Variants in IL34 observed in about 807,000 individuals in gnomAD.
IL34 encodes interleukin-34.
IL34 carries 17 observed loss-of-function variants against 25.3 expected under a neutral mutation model. The ratio of observed to expected loss-of-function variants is 0.67; its 90% CI spans 0.46 to 1.01. IL34 has a LOEUF of 1.01. Ranked by LOEUF, IL34 falls within the 50% of genes least tolerant of loss-of-function variation. IL34 has a pLI of 0.00. For synonymous variants in IL34, 174 were observed against 140.9 expected (o/e 1.23, Z -1.66); for missense variants, 368 against 312.9 (o/e 1.18, Z -1.33).
chr16:70,596,483 G>T (rs1273686436), intron 1 of IL34, among the ~76,000 whole-genome samples: 1 of 152,132 alleles, frequency 6.6e-6, no homozygotes, highest in East Asian at 1.9e-4. Context: ...GGCAGATCTG[G>T]GCCAAATCAA....
At chr16:70,610,965 C>A (rs1179603975) in intron 1 of IL34, among the ~76,000 whole-genome samples, 2 of 122,760 alleles carry the variant, frequency 1.6e-5, no homozygotes, top group Non-Finnish European at 3.4e-5. Flanking sequence ...GGGGCTTCTT[C>A]TTTCTTTCTT....
At chr16:70,640,708 T>C (rs1439413150) in intron 1 of IL34, among the ~76,000 whole-genome samples, 1 of 152,100 alleles carries the variant, frequency 6.6e-6, no homozygotes, top group African/African-American at 2.4e-5. Flanking sequence ...TTTTGCAGTA[T>C]AGTTGATGTA....
chr16:70,642,160 G>C (rs114253017), upstream of IL34, among the ~76,000 whole-genome samples: 1 of 152,128 alleles, frequency 6.6e-6, no homozygotes, highest in Non-Finnish European at 1.5e-5. Context: ...TCCGGTGAGG[G>C]CTCTTCCCTT....
At chr16:70,594,215 C>A (rs75076686) in intron 1 of IL34, among the ~76,000 whole-genome samples, 15,302 of 152,152 alleles carry the variant, frequency 0.1, 1,867 homozygotes, top group African/African-American at 0.27. Context: ...GGGAGAACAA[C>A]CATCTTAACA....
chr16:70,583,326 T>C (rs2050655701), intron 1 of IL34, among the ~76,000 whole-genome samples: 1 of 152,084 alleles, frequency 6.6e-6, no homozygotes, highest in Non-Finnish European at 1.5e-5. Context: ...TTGCCCAGGC[T>C]GCTGACCTCA....
At chr16:70,606,560 T>C (rs2051007936) in intron 1 of IL34, among the ~76,000 whole-genome samples, 1 of 151,998 alleles carries the variant, frequency 6.6e-6, no homozygotes, top group South Asian at 2.1e-4. Flanking sequence ...CACTGATCTG[T>C]CTTCTGTCAT....
chr16:70,647,306 C>T (rs1013981439), intron 1 of IL34, among the ~76,000 whole-genome samples: 6 of 152,074 alleles, frequency 3.9e-5, no homozygotes, highest in African/African-American at 7.2e-5. Flanking sequence ...CGGGCAGCAG[C>T]GGCCCAGTCC....
upstream of IL34, among the ~76,000 whole-genome samples, chr16:70,644,423 A>G (rs1004497900): frequency 1.3e-5 from 2 of 151,864 alleles, no homozygotes; most frequent in African/African-American, 2.4e-5. Context: ...ATACTATTCT[A>G]CCTTGTTTCA....
chr16:70,655,491 G>A (rs1008702926), intron 2 of IL34, among the ~76,000 whole-genome samples: 1 of 151,782 alleles, frequency 6.6e-6, no homozygotes, highest in African/African-American at 2.4e-5. Context: ...AGGCTCAAAT[G>A]ATCCTCCCAC....
At chr16:70,606,111 T>C (rs2050999788) in intron 1 of IL34, among the ~76,000 whole-genome samples, 1 of 151,690 alleles carries the variant, frequency 6.6e-6, no homozygotes. Flanking sequence ...TAAATATGCA[T>C]ATTGGCCAGG....
intron 1 of IL34, among the ~76,000 whole-genome samples, chr16:70,588,274 G>A (rs2050716620): frequency 6.6e-6 from 1 of 151,846 alleles, no homozygotes; most frequent in African/African-American, 2.4e-5. Context: ...TCACCTGAAG[G>A]TCAGGAGTTC....
chr16:70,627,698 G>T (rs1010586328), intron 1 of IL34, among the ~76,000 whole-genome samples: 6 of 152,100 alleles, frequency 3.9e-5, no homozygotes, highest in Admixed American at 3.9e-4. Context: ...TCGAGCTCCA[G>T]GGCTCAAGAG....
chr16:70,640,935 A>T (rs1479860405), intron 1 of IL34, among the ~76,000 whole-genome samples: 1 of 152,128 alleles, frequency 6.6e-6, no homozygotes, highest in East Asian at 1.9e-4. Context: ...GAATGTACAT[A>T]CAGGGTATAT....
intron 1 of IL34, among the ~76,000 whole-genome samples, chr16:70,602,681 G>A (rs986621648): frequency 6.6e-6 from 1 of 151,364 alleles, no homozygotes; most frequent in Admixed American, 6.6e-5. Flanking sequence ...ATGACATAAA[G>A]TGACTAACAT....
At chr16:70,616,545 T>C (rs569531550) in intron 1 of IL34, among the ~76,000 whole-genome samples, 6 of 152,358 alleles carry the variant, frequency 3.9e-5, no homozygotes, top group Admixed American at 3.3e-4. Flanking sequence ...AACATGTCTG[T>C]TTATTTCACC....
intron 1 of IL34, among the ~76,000 whole-genome samples, chr16:70,637,907 C>G (rs1456035412): frequency 2.0e-5 from 3 of 152,160 alleles, no homozygotes; most frequent in Non-Finnish European, 4.4e-5. Flanking sequence ...TCAGATTTTG[C>G]TAACTGCTTT....
intron 1 of IL34, among the ~76,000 whole-genome samples, chr16:70,640,044 A>T (rs917856619): frequency 6.6e-6 from 1 of 152,214 alleles, no homozygotes; most frequent in South Asian, 2.1e-4. Flanking sequence ...GACACTTTTT[A>T]AAAGAAAAAC....
chr16:70,587,877 A>G (rs2050713059), intron 1 of IL34, among the ~76,000 whole-genome samples: 1 of 152,034 alleles, frequency 6.6e-6, no homozygotes, highest in African/African-American at 2.4e-5. Flanking sequence ...TGGCTCCACT[A>G]AAAATACAAA....
intron 1 of IL34, among the ~76,000 whole-genome samples, chr16:70,623,990 T>A (rs965172500): frequency 1.3e-5 from 2 of 148,898 alleles, no homozygotes; most frequent in South Asian, 2.3e-4. Flanking sequence ...CTGTGAGAGT[T>A]ACTCGAAGCT....
Sources: allele counts gnomAD v4.1 joint callset (sites outside exome capture counted in the v4.1 genomes callset), GRCh38; gene constraint gnomAD v4.1.1; transcripts MANE v1.5; gene names NCBI Gene and HGNC (gene_info 2026-07-23, HGNC 2026-07-21).